Variants in KCNJ3 observed in about 807,000 individuals in gnomAD.
The protein encoded by KCNJ3 is G protein-activated inward rectifier potassium channel 1.
In KCNJ3, 4 loss-of-function variants were observed where a neutral mutation model predicts 39.2. That is an observed-to-expected ratio of 0.10 (90% CI 0.05 to 0.23). The LOEUF (loss-of-function observed/expected upper bound fraction) is 0.23. Ranked by LOEUF, KCNJ3 falls within the 10% of genes least tolerant of loss-of-function variation. KCNJ3 has a pLI of 1.00. For missense variants in KCNJ3, 276 were observed against 634.9 expected (o/e 0.43, Z 6.08); for synonymous variants, 230 against 237.4 (o/e 0.97, Z 0.29).
chr2:154,774,683 C>A lies in KCNJ3; in HGVS notation c.919+64864C>A, dbSNP rs570396419. Among the ~76,000 whole-genome samples, 28 of 152,014 alleles carry A rather than the reference C, an allele frequency of 1.8e-4. No individual in the cohort carries two copies. In the South Asian group the frequency reaches 5.0e-3, roughly 27 times the overall value. ...CTATTCTGTAATACATGGAAAAAAA[C>A]CTTAAAATTCTGAAGATATTAGAAA... On this transcript the variant is annotated intron_variant, in intron 2 of 2. Transcript: ENST00000295101.
chr2:154,814,873 T>C (rs1417675334), intron 2 of KCNJ3, among the ~76,000 whole-genome samples: 2 of 152,190 alleles, frequency 1.3e-5, no homozygotes, highest in Non-Finnish European at 2.9e-5. Flanking sequence ...TTTGTTAAGT[T>C]CTAAGTTCTA....
chr2:154,727,808 T>C (rs1685385909), intron 2 of KCNJ3, among the ~76,000 whole-genome samples: 2 of 151,604 alleles, frequency 1.3e-5, no homozygotes, highest in Non-Finnish European at 2.9e-5. Flanking sequence ...TCAGCTGTCA[T>C]AGTAGAAAAA....
chr2:154,706,180 G>T lies in KCNJ3; in HGVS notation c.703-3423G>T, dbSNP rs372460964. On this transcript the variant is annotated intron_variant, in intron 1 of 2. Transcript: ENST00000295101. ...GAATTTGAAAATAATTTCAATTATTGTTGATCTAGACCATATCAATTTATA... is the reference window on the plus strand; with the variant it reads ...GAATTTGAAAATAATTTCAATTATTTTTGATCTAGACCATATCAATTTATA... 7.9e-5 allele frequency among the ~76,000 whole-genome samples: 12 copies of T among 151,954 alleles called. No homozygotes were observed. In the East Asian group the frequency reaches 2.1e-3, roughly 27 times the overall value.
rs752119067 is a variant in KCNJ3 at position 154,726,826 on chromosome 2, CACACACA to C, written c.919+17008_919+17014del. Among the ~76,000 whole-genome samples, 55 of 150,778 alleles carry C rather than the reference CACACACA, an allele frequency of 3.6e-4. 1 individual carries two copies. In the East Asian group the frequency reaches 0.01, roughly 28 times the overall value. Reference sequence around the variant, plus strand: ...ACACACACACACACACACACACACACACACACACATACACCATGGAATACTACTCAGC... The same window carrying C: ...ACACACACACACACACACACACACACCATACACCATGGAATACTACTCAGC... On this transcript the variant is annotated intron_variant, in intron 2 of 2. Coordinates refer to ENST00000295101, the MANE Select transcript of KCNJ3 (RefSeq NM_002239.4).
chr2:154,796,153 G>A (rs543846435), intron 2 of KCNJ3, among the ~76,000 whole-genome samples: 6 of 152,198 alleles, frequency 3.9e-5, no homozygotes, highest in Middle Eastern at 3.4e-3. Flanking sequence ...GTAATCGTGT[G>A]AGGTTATCTG....
chr2:154,806,163 A>T (rs1686908316), intron 2 of KCNJ3, among the ~76,000 whole-genome samples: 1 of 152,156 alleles, frequency 6.6e-6, no homozygotes. Context: ...CTCTACTTGC[A>T]AGTGAAAAGG....
chr2:154,794,452 A>G (rs1421634155), intron 2 of KCNJ3, among the ~76,000 whole-genome samples: 1 of 151,972 alleles, frequency 6.6e-6, no homozygotes, highest in African/African-American at 2.4e-5. Flanking sequence ...TGTTCAGTCT[A>G]TTTTTAAGAT....
At chr2:154,764,871 C>G (rs1033810626) in intron 2 of KCNJ3, among the ~76,000 whole-genome samples, 1 of 151,554 alleles carries the variant, frequency 6.6e-6, no homozygotes, top group African/African-American at 2.4e-5. Flanking sequence ...CCTTGGATGC[C>G]CCATGCTTTT....
At chr2:154,822,077 T>G (rs1010223608) in intron 2 of KCNJ3, among the ~76,000 whole-genome samples, 4 of 152,140 alleles carry the variant, frequency 2.6e-5, no homozygotes, top group African/African-American at 9.7e-5. Context: ...AGTATTACAC[T>G]TGCCAAACTT....
chr2:154,787,322 C>CT lies in KCNJ3; in HGVS notation c.920-67396dup, dbSNP rs948855135. ...TGTCTTGAAAAAATTAATTTTCAGTCTTTTTTTTTCTTTTTTGTGCCTTCT... is the reference window on the plus strand; with the variant it reads ...TGTCTTGAAAAAATTAATTTTCAGTCTTTTTTTTTTCTTTTTTGTGCCTTCT... On this transcript the variant is annotated intron_variant, in intron 2 of 2. Transcript: ENST00000295101. Among the ~76,000 whole-genome samples the CT allele has an allele frequency of 1.3e-4, 20 of 151,466 alleles. No homozygotes were observed. In the East Asian group the frequency reaches 2.7e-3, roughly 21 times the overall value.
chr2:154,768,965 A>G (rs942259010), intron 2 of KCNJ3, among the ~76,000 whole-genome samples: 2 of 152,208 alleles, frequency 1.3e-5, no homozygotes, highest in African/African-American at 2.4e-5. Flanking sequence ...ATGGGAGTTC[A>G]CTCATGATTT....
chr2:154,737,105 G>C (rs563089875), intron 2 of KCNJ3, among the ~76,000 whole-genome samples: 13 of 152,278 alleles, frequency 8.5e-5, no homozygotes, highest in Middle Eastern at 3.4e-3. Flanking sequence ...CCAGAGGTGA[G>C]GAGGAACCAC....
At chr2:154,783,110 G>A (rs1356102148) in intron 2 of KCNJ3, among the ~76,000 whole-genome samples, 5 of 152,086 alleles carry the variant, frequency 3.3e-5, no homozygotes, top group African/African-American at 1.2e-4. Flanking sequence ...CCCGGGAGGC[G>A]GAGGTTGCGG....
chr2:154,763,125 G>A (rs764331247), intron 2 of KCNJ3, among the ~76,000 whole-genome samples: 1 of 152,108 alleles, frequency 6.6e-6, no homozygotes, highest in Non-Finnish European at 1.5e-5. Context: ...TCACATTTCC[G>A]ACAGTCAATT....
chr2:154,705,985 G>T (rs980850472), intron 1 of KCNJ3, among the ~76,000 whole-genome samples: 1 of 151,920 alleles, frequency 6.6e-6, no homozygotes, highest in African/African-American at 2.4e-5. Flanking sequence ...AAATTTTTAA[G>T]AATTAATCAT....
At chr2:154,715,389 C>T (rs951028648) in intron 2 of KCNJ3, among the ~76,000 whole-genome samples, 5 of 152,202 alleles carry the variant, frequency 3.3e-5, no homozygotes, top group Non-Finnish European at 7.3e-5. Flanking sequence ...TACACTCATG[C>T]TCACTCTTGC....
At chr2:154,768,995 A>T (rs1686185818) in intron 2 of KCNJ3, among the ~76,000 whole-genome samples, 1 of 152,008 alleles carries the variant, frequency 6.6e-6, no homozygotes, top group Admixed American at 6.6e-5. Flanking sequence ...TTTGTCTGTT[A>T]TTGGTGTAGA....
chr2:154,709,698 C>A lies in KCNJ3; in HGVS notation c.798C>A (p.Ser266=), dbSNP rs1355959905. 6.2e-7 allele frequency: 1 copy of A among 1,613,662 alleles called. No individual in the cohort carries two copies. The highest frequency in any genetic ancestry group is 8.5e-7 in the Non-Finnish European group (1 of 1,179,894). The part of the protein sequence containing the change: ...STGADQLFLV[S]PLTICHVIDA... ...GGGCAGATCAACTTTTTCTTGTGTC[C>A]CCCCTCACAATTTGCCACGTGATCG... is the stretch of plus-strand genomic sequence containing the variant. Residue 266 remains serine, a synonymous_variant, in exon 2 of 3, where the codon TCC becomes TCA. Coordinates refer to ENST00000295101, the MANE Select transcript of KCNJ3 (RefSeq NM_002239.4).
chr2:154,852,847 C>T (rs1021028611), intron 2 of KCNJ3, among the ~76,000 whole-genome samples: 2 of 151,812 alleles, frequency 1.3e-5, no homozygotes, highest in Non-Finnish European at 2.9e-5. Context: ...CTATTCCTCA[C>T]GTAAAATTGA....
Sources: gnomAD v4.1 joint callset for allele counts (sites outside exome capture counted in the v4.1 genomes callset) on GRCh38, gnomAD v4.1.1 for gene constraint, MANE v1.5 for transcripts, NCBI Gene and HGNC (gene_info 2026-07-23, HGNC 2026-07-21) for gene names.